FRAS1: variants seen among roughly 807,000 people sequenced by gnomAD.
FRAS1 encodes extracellular matrix organizing protein FRAS1.
FRAS1 carries 290 observed loss-of-function variants against 435.2 expected under a neutral mutation model. The ratio of observed to expected loss-of-function variants is 0.67; its 90% CI spans 0.61 to 0.73. FRAS1 has a LOEUF of 0.73. Ranked by LOEUF, FRAS1 falls within the 30% of genes least tolerant of loss-of-function variation. The pLI, the probability that FRAS1 is intolerant of heterozygous loss-of-function variation, is 0.00. For missense variants in FRAS1, 4,860 were observed against 5,001.5 expected, an observed-to-expected ratio of 0.97 and a Z score of 0.85; for synonymous variants, 1,800 against 1,851.0, an observed-to-expected ratio of 0.97 and a Z score of 0.71.
Position 78,537,027 on chromosome 4 carries a change from C to T in FRAS1, c.11125C>T (p.Pro3709Ser), listed in dbSNP as rs1220814857. 1 of 1,613,930 alleles carries T rather than the reference C, an allele frequency of 6.2e-7. No homozygotes were observed. Among genetic ancestry groups the T allele is most frequent in the Admixed American group, 1.7e-5 (1 of 60,018 alleles). ...QILYGRVLWN[P>S]EQNLNSAYKL... ...CCTTTATGGCCGAGTACTTTGGAAT[C>T]CAGAACAAAATCTTAATTCTGCTTA... The change falls in exon 72 of 74, where the codon CCA becomes TCA. Residue 3709 changes from proline to serine, a missense_variant. By Grantham distance (74) the Pro-to-Ser change is moderately conservative. Coordinates refer to ENST00000512123, the MANE Select transcript of FRAS1 (RefSeq NM_025074.7).
chr4:78,235,636 G>T (rs1357273440), intron 2 of FRAS1, among the ~76,000 whole-genome samples: 1 of 152,142 alleles, frequency 6.6e-6, no homozygotes, highest in African/African-American at 2.4e-5. Context: ...AGGCTAACAG[G>T]AATATAAATG....
At chr4:78,399,078 G>GT (rs1272039784) in intron 29 of FRAS1, among the ~76,000 whole-genome samples, 4 of 152,050 alleles carry the variant, frequency 2.6e-5, no homozygotes, top group African/African-American at 7.2e-5. Context: ...TATATATAAA[G>GT]TTTTTTTTAC....
intron 50 of FRAS1, 56 bp from the exon 51 acceptor site, chr4:78,469,922 T>A (rs952385502): frequency 1.5e-6 from 2 of 1,292,978 alleles, no homozygotes; most frequent in Non-Finnish European, 2.2e-6. Flanking sequence ...GCCCTGGACC[T>A]GACATACTTC....
At chr4:78,495,992 G>A (rs1422112594) in intron 59 of FRAS1, among the ~76,000 whole-genome samples, 1 of 152,106 alleles carries the variant, frequency 6.6e-6, no homozygotes, top group Non-Finnish European at 1.5e-5. Context: ...GCGTGACTTA[G>A]GAAGTATGAG....
chr4:78,356,232 T>G (rs1464725829), intron 20 of FRAS1, among the ~76,000 whole-genome samples: 1 of 152,132 alleles, frequency 6.6e-6, no homozygotes, highest in Non-Finnish European at 1.5e-5. Flanking sequence ...AGTAGCACCC[T>G]TTTTCTCCTG....
intron 2 of FRAS1, among the ~76,000 whole-genome samples, chr4:78,142,619 A>C (rs770607606): frequency 1.3e-5 from 2 of 152,158 alleles, no homozygotes; most frequent in Non-Finnish European, 2.9e-5. Context: ...AAGGACGAAG[A>C]GCAATAAAAA....
chr4:78,149,421 A>T (rs907389394), intron 2 of FRAS1, among the ~76,000 whole-genome samples: 2 of 152,216 alleles, frequency 1.3e-5, no homozygotes, highest in African/African-American at 4.8e-5. Context: ...ACAAAAAGTT[A>T]TACAGTGCAC....
At chr4:78,161,849 C>A (rs1255985914) in intron 2 of FRAS1, among the ~76,000 whole-genome samples, 1 of 149,892 alleles carries the variant, frequency 6.7e-6, no homozygotes, top group Non-Finnish European at 1.5e-5. Context: ...ATGCCTTCAT[C>A]TGCAAAATGA....
chr4:78,537,720 A>G (rs571525052), intron 72 of FRAS1, among the ~76,000 whole-genome samples: 3 of 152,296 alleles, frequency 2.0e-5, no homozygotes, highest in African/African-American at 7.2e-5. Flanking sequence ...AGGTGGGAGA[A>G]TCACTTAAGC....
At chr4:78,347,859 A>G (rs1356411673) in intron 20 of FRAS1, among the ~76,000 whole-genome samples, 1 of 147,534 alleles carries the variant, frequency 6.8e-6, no homozygotes, top group Admixed American at 7.0e-5. Context: ...ATTCAATCCT[A>G]TATTACCTTC....
At position 78,268,383 on chromosome 4, in the gene FRAS1, A is replaced by G. The variant is rs202071104; in HGVS notation, c.981+951A>G. ...TGACAGAGTTGAGACATATTTAGGT[A>G]AAGAGGGTCTTGCTTTTTGCAGATT... On this transcript the variant is annotated intron_variant, in intron 9 of 73. Transcript: ENST00000512123. Among the ~76,000 whole-genome samples the G allele has an allele frequency of 5.3e-5, 8 of 152,314 alleles. No individual in the cohort carries two copies. In the East Asian group the frequency reaches 1.5e-3, roughly 29 times the overall value.
chr4:78,083,420 T>C (rs1740988850), intron 2 of FRAS1, among the ~76,000 whole-genome samples: 1 of 152,134 alleles, frequency 6.6e-6, no homozygotes, highest in Non-Finnish European at 1.5e-5. Context: ...GCTGCAGAAG[T>C]ACTTTATCAG....
At chr4:78,181,303 T>A (rs1251443000) in intron 2 of FRAS1, 10 of 1,607,180 alleles carry the variant, frequency 6.2e-6, no homozygotes, top group South Asian at 1.1e-5. Context: ...CTGGATGATG[T>A]TCTTCACCTT....
chr4:78,363,830 T>A (rs1731169071), intron 21 of FRAS1, 78 bp from the exon 22 acceptor site: 2 of 1,511,352 alleles, frequency 1.3e-6, no homozygotes, highest in Admixed American at 2.0e-5. Context: ...GTTGGGACTT[T>A]ATTACCCACA....
chr4:78,466,676 A>G (rs1039110865), intron 50 of FRAS1, among the ~76,000 whole-genome samples: 4 of 152,236 alleles, frequency 2.6e-5, no homozygotes, highest in Non-Finnish European at 4.4e-5. Context: ...GCTTAACACC[A>G]TTGACAAATA....
intron 2 of FRAS1, among the ~76,000 whole-genome samples, chr4:78,103,866 C>T (rs977698215): frequency 1.2e-4 from 18 of 152,138 alleles, no homozygotes; most frequent in East Asian, 1.9e-4. Flanking sequence ...TTTGTTATAG[C>T]GGCCTAAATG....
chr4:78,221,730 G>A (rs975954178), intron 2 of FRAS1, among the ~76,000 whole-genome samples: 1 of 152,186 alleles, frequency 6.6e-6, no homozygotes, highest in Non-Finnish European at 1.5e-5. Flanking sequence ...GTCCTACAAA[G>A]AGTTTTGCAG....
intron 26 of FRAS1, 22 bp downstream of exon 26, chr4:78,375,901 G>C (rs1441365577): frequency 6.2e-7 from 1 of 1,612,976 alleles, no homozygotes; most frequent in Non-Finnish European, 8.5e-7. Context: ...TCCTCAGATG[G>C]TCTGGTGAAT....
At chr4:78,528,468 A>G (rs1721611259) in intron 70 of FRAS1, among the ~76,000 whole-genome samples, 1 of 152,094 alleles carries the variant, frequency 6.6e-6, no homozygotes, top group Non-Finnish European at 1.5e-5. Context: ...TTCTGCCACT[A>G]TGGATAAGTT....
Sources: gnomAD v4.1 joint callset for allele counts (sites outside exome capture counted in the v4.1 genomes callset) on GRCh38, gnomAD v4.1.1 for gene constraint, MANE v1.5 for transcripts, NCBI Gene and HGNC (gene_info 2026-07-23, HGNC 2026-07-21) for gene names.